ADGB: variants seen among roughly 807,000 people sequenced by gnomAD.
ADGB encodes calpain-7-like protein.
ADGB carries 172 observed loss-of-function variants against 210.5 expected under a neutral mutation model. The observed-to-expected ratio is 0.82, with a 90% CI of 0.72 to 0.93. The LOEUF (loss-of-function observed/expected upper bound fraction) is 0.93. Ranked by LOEUF, ADGB falls within the 40% of genes least tolerant of loss-of-function variation. The pLI, the probability that ADGB is intolerant of heterozygous loss-of-function variation, is 0.00. For synonymous variants in ADGB, 658 were observed against 662.7 expected, an observed-to-expected ratio of 0.99 and a Z score of 0.11; for missense variants, 2,025 against 1,964.8, an observed-to-expected ratio of 1.03 and a Z score of -0.58.
intron 35 of ADGB, among the ~76,000 whole-genome samples, chr6:146,811,708 G>C (rs1778305540): frequency 6.6e-6 from 1 of 152,074 alleles, no homozygotes; most frequent in Non-Finnish European, 1.5e-5. Context: ...CTCTCCCTCT[G>C]TCTCCCAGGC....
At chr6:146,712,308 C>A (rs1433183797) in intron 13 of ADGB, among the ~76,000 whole-genome samples, 1 of 151,972 alleles carries the variant, frequency 6.6e-6, no homozygotes, top group Non-Finnish European at 1.5e-5. Context: ...CCTCAGCCTC[C>A]CAAGTAGCTG....
intron 26 of ADGB, among the ~76,000 whole-genome samples, chr6:146,747,360 C>T (rs193004828): frequency 6.6e-6 from 1 of 152,260 alleles, no homozygotes; most frequent in East Asian, 1.9e-4. Context: ...TATCGTATCA[C>T]ATGGCAGGGC....
intron 29 of ADGB, among the ~76,000 whole-genome samples, chr6:146,780,570 G>T (rs1179151359): frequency 6.6e-6 from 1 of 151,928 alleles, no homozygotes; most frequent in Admixed American, 6.6e-5. Context: ...ACAAAATAGG[G>T]TCTAAGATGA....
At chr6:146,779,345 C>T (rs1327674) in intron 29 of ADGB, among the ~76,000 whole-genome samples, 61,263 of 152,030 alleles carry the variant, frequency 0.4, 13,352 homozygotes, top group Admixed American at 0.55. Flanking sequence ...TCACACATAC[C>T]AGCATGTACA....
intron 1 of ADGB, among the ~76,000 whole-genome samples, chr6:146,629,682 A>T (rs543787559): frequency 6.6e-6 from 1 of 152,234 alleles, no homozygotes; most frequent in Non-Finnish European, 1.5e-5. Flanking sequence ...ATTTATTTTT[A>T]TCTGTAGGCT....
At chr6:146,705,542 T>G (rs1776557516) in intron 13 of ADGB, among the ~76,000 whole-genome samples, 1 of 152,150 alleles carries the variant, frequency 6.6e-6, no homozygotes, top group Non-Finnish European at 1.5e-5. Context: ...GATTGCATGG[T>G]TTTTATCTTT....
intron 11 of ADGB, among the ~76,000 whole-genome samples, chr6:146,691,744 T>A (rs375132753): frequency 6.6e-6 from 1 of 151,246 alleles, no homozygotes; most frequent in Non-Finnish European, 1.5e-5. Context: ...CTTGACCACA[T>A]ATATGAAGCT....
At chr6:146,691,420 A>ATT (rs1776307247) in intron 11 of ADGB, 130 bp downstream of exon 11, 1 of 56,156 alleles carries the variant, frequency 1.8e-5, no homozygotes, top group South Asian at 5.9e-4. Context: ...TAATATATAT[A>ATT]TATATATATA....
rs536796694 is a variant in ADGB at position 146,815,032 on chromosome 6, G to T, written c.4819G>T (p.Asp1607Tyr). Residue 1607 changes from aspartate to tyrosine, a missense_variant and splice_region_variant, in exon 36 of 36, where the codon GAC becomes TAC. Physicochemically the swap from Asp to Tyr is radical, Grantham distance 160. Transcript: ENST00000397944. ...TGTTTGGGGTTTTGCTTTGGAACAGGACTCCTTAGATGAAGCCCGACAGAA... is the reference window on the plus strand; with the variant it reads ...TGTTTGGGGTTTTGCTTTGGAACAGTACTCCTTAGATGAAGCCCGACAGAA... ...EVLDMYKEMQ[D>Y]SLDEARQKIF... 5 of 1,537,562 alleles carry T rather than the reference G, an allele frequency of 3.3e-6. No homozygotes were observed. The highest frequency in any genetic ancestry group is 2.5e-5 in the East Asian group (1 of 40,408).
chr6:146,784,896 T>C, intron 31 of ADGB, 102 bp downstream of exon 31: 1 of 1,172,678 alleles, frequency 8.5e-7, no homozygotes. Flanking sequence ...TGTCCTTTAG[T>C]AATGGTATCT....
At chr6:146,606,895 G>T (rs552508306) in intron 1 of ADGB, among the ~76,000 whole-genome samples, 16 of 152,108 alleles carry the variant, frequency 1.1e-4, no homozygotes, top group African/African-American at 3.9e-4. Context: ...CTCTTTTTCC[G>T]TTCCATATGA....
At chr6:146,733,756 C>T (rs114571985) in intron 21 of ADGB, 137 bp from the exon 22 acceptor site, 27 of 934,380 alleles carry the variant, frequency 2.9e-5, no homozygotes, top group South Asian at 2.5e-4. Context: ...CACCTAGAGC[C>T]GGCAATATTA....
intron 28 of ADGB, among the ~76,000 whole-genome samples, chr6:146,765,423 C>CT (rs1274378573): frequency 6.6e-6 from 1 of 151,716 alleles, no homozygotes; most frequent in Non-Finnish European, 1.5e-5. Context: ...AGAGAATATA[C>CT]TTTTTTGGCA....
intron 1 of ADGB, among the ~76,000 whole-genome samples, chr6:146,617,792 A>G (rs1385000765): frequency 1.3e-5 from 2 of 152,072 alleles, no homozygotes; most frequent in East Asian, 3.9e-4. Flanking sequence ...GCTGAATCCC[A>G]CTTTATCACA....
In ADGB at chr6:146,728,733, C is replaced by A. The variant is rs534517008; in HGVS notation, c.2512C>A (p.His838Asn). ...CCATGATAAAGAACTAACTGCACAG[C>A]ACTTCAGGGTAAGCTTGTTTGGGAT... ...PFHDKELTAQ[H>N]FRVFHLSLWR... The change falls in exon 20 of 36, where the codon CAC becomes AAC. Residue 838 changes from histidine to asparagine, a missense_variant. Physicochemically the swap from His to Asn is moderately conservative, Grantham distance 68 (BLOSUM62 1). Coordinates refer to ENST00000397944, the MANE Select transcript of ADGB (RefSeq NM_024694.4). 1.4e-5 allele frequency: 21 copies of A among 1,546,532 alleles called. No individual in the cohort carries two copies. The South Asian group carries it at 2.5e-4, about 19-fold the overall frequency.
intron 2 of ADGB, 151 bp from the exon 3 acceptor site, chr6:146,644,622 T>C: frequency 2.1e-6 from 1 of 472,560 alleles, no homozygotes; most frequent in Non-Finnish European, 3.8e-6. Context: ...CTTTAAATAC[T>C]CCATGAATTA....
Position 146,657,008 on chromosome 6 carries a change from C to T in ADGB, c.612+28C>T, listed in dbSNP as rs1230796518. ...AAGTCCATTTTCGTGTGCATAAAAA[C>T]TCATGAGTCTTTCATATTGAAATAT... is the stretch of plus-strand genomic sequence containing the variant. On this transcript the variant is annotated intron_variant, in intron 5 of 35. Transcript: ENST00000397944. The T allele has an allele frequency of 2.0e-6, 3 of 1,507,224 alleles. No homozygotes were observed. In the African/African-American group the frequency reaches 4.2e-5, roughly 21 times the overall value. 93.4% of individuals were successfully genotyped at this position (1,507,224 alleles called of 1,614,324 possible). A position where few individuals can be genotyped will look rare whatever the true frequency, so the allele number is the denominator to read the frequency against.
chr6:146,640,976 CTGTT>C (rs1436265177), intron 2 of ADGB, among the ~76,000 whole-genome samples: 1 of 151,968 alleles, frequency 6.6e-6, no homozygotes, highest in Non-Finnish European at 1.5e-5. Context: ...TCAAACATCT[CTGTT>C]TGAAGACGAC....
chr6:146,630,218 CAA>C (rs974089352), intron 1 of ADGB, among the ~76,000 whole-genome samples: 2 of 151,828 alleles, frequency 1.3e-5, no homozygotes, highest in African/African-American at 2.4e-5. Context: ...GCCTGGGTGA[CAA>C]GAGTGAAACT....
Sources: allele counts gnomAD v4.1 joint callset (sites outside exome capture counted in the v4.1 genomes callset), GRCh38; gene constraint gnomAD v4.1.1; transcripts MANE v1.5; gene names NCBI Gene and HGNC (gene_info 2026-07-23, HGNC 2026-07-21).